The following OPCML variants were observed in gnomAD, a reference collection of about 807,000 sequenced individuals.
The protein encoded by OPCML is opioid binding protein/cell adhesion molecule like.
In OPCML, 13 loss-of-function variants were observed where a neutral mutation model predicts 37.8. The observed-to-expected ratio is 0.34, with a 90% CI of 0.22 to 0.55. The LOEUF (loss-of-function observed/expected upper bound fraction) is 0.55. Among genes scored for constraint, OPCML ranks in the 20% least tolerant of loss-of-function variants. The pLI is 0.91. For missense variants in OPCML, 341 were observed against 435.6 expected, an observed-to-expected ratio of 0.78 and a Z score of 1.93; for synonymous variants, 176 against 168.8, an observed-to-expected ratio of 1.04 and a Z score of -0.33.
At chr11:133,358,444 T>C (rs1396545584) in intron 1 of OPCML, among the ~76,000 whole-genome samples, 2 of 152,230 alleles carry the variant, frequency 1.3e-5, no homozygotes, top group African/African-American at 4.8e-5. Flanking sequence ...ATCATGCCTG[T>C]GCTATTGGAC....
intron 4 of OPCML, among the ~76,000 whole-genome samples, chr11:132,514,292 T>C (rs567915596): frequency 3.3e-5 from 5 of 152,126 alleles, no homozygotes; most frequent in Non-Finnish European, 7.4e-5. Flanking sequence ...AATCAGAAGT[T>C]GAGACAGTCC....
intron 1 of OPCML, among the ~76,000 whole-genome samples, chr11:133,058,683 G>A (rs1359162135): frequency 6.6e-6 from 1 of 152,196 alleles, no homozygotes; most frequent in Non-Finnish European, 1.5e-5. Flanking sequence ...CCACGCCTGG[G>A]TTTTCGCTTC....
chr11:133,147,036 G>T (rs1191954032), intron 1 of OPCML, among the ~76,000 whole-genome samples: 1 of 152,180 alleles, frequency 6.6e-6, no homozygotes, highest in African/African-American at 2.4e-5. Context: ...ATGTCTCCAA[G>T]GCAGCCCCAT....
chr11:133,075,057 G>A (rs761960463), intron 1 of OPCML, among the ~76,000 whole-genome samples: 4 of 152,288 alleles, frequency 2.6e-5, no homozygotes, highest in Admixed American at 6.5e-5. Context: ...TGCAGTGGAC[G>A]TCAGCCTCTC....
intron 2 of OPCML, among the ~76,000 whole-genome samples, chr11:132,707,408 A>G (rs1944078995): frequency 6.6e-6 from 1 of 152,246 alleles, no homozygotes; most frequent in Non-Finnish European, 1.5e-5. Context: ...GCTAATGGTT[A>G]TGGAATACCT....
At chr11:132,476,451 C>T (rs1592232111) in intron 4 of OPCML, among the ~76,000 whole-genome samples, 1 of 152,054 alleles carries the variant, frequency 6.6e-6, no homozygotes, top group Admixed American at 6.5e-5. Flanking sequence ...AAATGTCCAA[C>T]AATGATAGAC....
intron 3 of OPCML, among the ~76,000 whole-genome samples, chr11:132,572,955 A>T (rs2137577381): frequency 6.6e-6 from 1 of 151,520 alleles, no homozygotes; most frequent in Middle Eastern, 3.4e-3. Flanking sequence ...TAATGTAAAA[A>T]TTTTTCACCT....
intron 2 of OPCML, among the ~76,000 whole-genome samples, chr11:132,899,311 T>A (rs1335996510): frequency 6.6e-6 from 1 of 152,234 alleles, no homozygotes; most frequent in African/African-American, 2.4e-5. Context: ...ATATACATGT[T>A]ATAAATATGT....
intron 2 of OPCML, among the ~76,000 whole-genome samples, chr11:132,809,993 G>T (rs925036166): frequency 6.6e-5 from 10 of 152,132 alleles, no homozygotes; most frequent in Non-Finnish European, 7.3e-5. Context: ...GGGACTACAG[G>T]CGCCCGCCAC....
chr11:132,933,920 G>C (rs1945289803), intron 2 of OPCML, among the ~76,000 whole-genome samples: 1 of 152,072 alleles, frequency 6.6e-6, no homozygotes, highest in Non-Finnish European at 1.5e-5. Context: ...ATAAACCCCT[G>C]ACTCATTCAA....
intron 1 of OPCML, among the ~76,000 whole-genome samples, chr11:133,089,842 A>G (rs1356298540): frequency 3.3e-5 from 5 of 152,186 alleles, no homozygotes; most frequent in Admixed American, 3.3e-4. Context: ...TACACTCAAA[A>G]TCTGCTGTCA....
At chr11:132,529,312 A>C (rs1411746955) in intron 3 of OPCML, 126 bp from the exon 4 acceptor site, 9 of 1,245,376 alleles carry the variant, frequency 7.2e-6, no homozygotes, top group Non-Finnish European at 9.8e-6. Flanking sequence ...ATAAATTTCA[A>C]GTTGCTTGAT....
intron 1 of OPCML, among the ~76,000 whole-genome samples, chr11:133,049,486 T>A (rs541594206): frequency 2.0e-5 from 3 of 152,294 alleles, no homozygotes; most frequent in African/African-American, 7.2e-5. Context: ...GCCCTTAGTG[T>A]CTTCGTCTGT....
intron 2 of OPCML, among the ~76,000 whole-genome samples, chr11:132,697,736 G>A (rs910521154): frequency 6.6e-6 from 1 of 152,022 alleles, no homozygotes; most frequent in African/African-American, 2.4e-5. Flanking sequence ...GAACATGGCA[G>A]TGCATATATC....
chr11:133,335,077 A>G (rs1043160553), intron 1 of OPCML, among the ~76,000 whole-genome samples: 31 of 152,194 alleles, frequency 2.0e-4, no homozygotes, highest in Non-Finnish European at 2.9e-5. Context: ...GTGTTTAGCC[A>G]CAGCCCTGAA....
intron 1 of OPCML, among the ~76,000 whole-genome samples, chr11:133,238,885 G>C (rs1188925705): frequency 1.3e-5 from 2 of 152,178 alleles, no homozygotes; most frequent in South Asian, 2.1e-4. Context: ...CTTTCATCTG[G>C]AGATTTCAAA....
chr11:133,284,031 A>G (rs987858919), intron 1 of OPCML, among the ~76,000 whole-genome samples: 13 of 152,188 alleles, frequency 8.5e-5, no homozygotes, highest in African/African-American at 2.9e-4. Context: ...AAGCTCTTTT[A>G]CCAAAATGGA....
chr11:132,865,479 GC>G (rs1942498375), intron 2 of OPCML, among the ~76,000 whole-genome samples: 1 of 152,288 alleles, frequency 6.6e-6, no homozygotes, highest in Admixed American at 6.5e-5. Context: ...ACGGCTCCTG[GC>G]CAGCTACCAT....
intron 4 of OPCML, among the ~76,000 whole-genome samples, chr11:132,521,027 T>C (rs1038360916): frequency 2.6e-5 from 4 of 152,140 alleles, no homozygotes; most frequent in African/African-American, 9.7e-5. Context: ...CATTCCTATT[T>C]CTCCACAACC....
Sources: gnomAD v4.1 joint callset for allele counts (sites outside exome capture counted in the v4.1 genomes callset) on GRCh38, gnomAD v4.1.1 for gene constraint, MANE v1.5 for transcripts, NCBI Gene and HGNC (gene_info 2026-07-23, HGNC 2026-07-21) for gene names.